Variants in VPS13C observed in about 807,000 individuals in gnomAD.
VPS13C encodes vacuolar protein sorting 13 homolog C.
Under a neutral mutation model 456.8 loss-of-function variants are expected in VPS13C, and 358 were observed. The observed-to-expected ratio is 0.78, with a 90% CI of 0.72 to 0.86. The LOEUF is 0.86. Among genes scored for constraint, VPS13C ranks in the 40% least tolerant of loss-of-function variants. The pLI, the probability that VPS13C is intolerant of heterozygous loss-of-function variation, is 0.00. For synonymous variants in VPS13C, 1,578 were observed against 1,486.7 expected, an observed-to-expected ratio of 1.06 and a Z score of -1.41; for missense variants, 4,818 against 4,385.4, an observed-to-expected ratio of 1.10 and a Z score of -2.79.
chr15:61,862,256 T>C (rs1894267679), intron 82 of VPS13C, among the ~76,000 whole-genome samples: 1 of 152,284 alleles, frequency 6.6e-6, no homozygotes, highest in Non-Finnish European at 1.5e-5. Context: ...AGTCATAGTA[T>C]TTACTGGTCA....
chr15:61,980,057 G>T (rs1444280571), intron 22 of VPS13C, among the ~76,000 whole-genome samples: 3 of 151,482 alleles, frequency 2.0e-5, no homozygotes, highest in African/African-American at 7.3e-5. Flanking sequence ...GGGGGTGCGT[G>T]CCTGTAATCC....
intron 49 of VPS13C, 83 bp downstream of exon 49, chr15:61,934,136 C>G (rs746862027): frequency 1.2e-6 from 1 of 813,250 alleles, no homozygotes; most frequent in East Asian, 2.9e-5. Flanking sequence ...AATGAAAAGT[C>G]CCACACAAAA....
chr15:61,996,577 G>C (rs186934764), intron 16 of VPS13C, among the ~76,000 whole-genome samples: 2 of 151,834 alleles, frequency 1.3e-5, no homozygotes, highest in African/African-American at 2.4e-5. Flanking sequence ...CTATCAGAGA[G>C]GCACTGAAAC....
Position 61,934,254 on chromosome 15 carries a change from G to C in VPS13C, c.5833C>G (p.Leu1945Val). 1 of 1,597,174 alleles carries C rather than the reference G, an allele frequency of 6.3e-7. No individual in the cohort carries two copies. The highest frequency in any genetic ancestry group is 8.5e-7 in the Non-Finnish European group (1 of 1,170,658). The change falls in exon 49 of 85, where the codon CTT (leucine) becomes GTT (valine). Residue 1945 changes from leucine (L) to valine (V), a missense_variant. This residue lies in a region of VPS13C where 4,552 missense variants were observed against 4,130.6 expected (regional missense o/e 1.10). Transcript: ENST00000644861. ...SLQFDFHFESLSIILYNNDIN... is the reference protein window; with the variant it reads ...SLQFDFHFESVSIILYNNDIN... ...TCATTGTTATAAAGGATAATGGAAA[G>C]AGATTCAAAGTGAAAGTCAAATTGG...
chr15:62,037,267 T>TAATATATTATATATAAATA (rs1262124225), intron 3 of VPS13C, among the ~76,000 whole-genome samples: 1 of 21,724 alleles, frequency 4.6e-5, no homozygotes, highest in South Asian at 8.4e-4. Flanking sequence ...ATATATTATA[T>TAATATATTATATATAAATA]TATATAATAT....
chr15:62,034,572 GAA>G (rs1252418548), intron 4 of VPS13C, among the ~76,000 whole-genome samples: 1 of 150,844 alleles, frequency 6.6e-6, no homozygotes, highest in South Asian at 2.1e-4. Flanking sequence ...AACAAAATAG[GAA>G]AAAAAATAAA....
intron 9 of VPS13C, among the ~76,000 whole-genome samples, chr15:62,016,518 A>C (rs1371431648): frequency 6.8e-6 from 1 of 146,534 alleles, no homozygotes; most frequent in African/African-American, 2.5e-5. Context: ...GAGAACATGC[A>C]GTGTTTGGTT....
At chr15:61,982,090 T>C (rs1203592543) in intron 21 of VPS13C, among the ~76,000 whole-genome samples, 1 of 152,210 alleles carries the variant, frequency 6.6e-6, no homozygotes, top group Non-Finnish European at 1.5e-5. Flanking sequence ...GATAAAATAG[T>C]TGGCTTGAGT....
In VPS13C at chr15:61,972,606, T is replaced by C. The variant is rs761865728; in HGVS notation, c.2757+19A>G. The stretch of plus-strand genomic sequence containing the variant: ...GTGACAGCCAGAATATATCTATTTA[T>C]AGACAAAAAAGCACATACTTCTTTA... On this transcript the variant is annotated intron_variant, in intron 27 of 84. Transcript: ENST00000644861. 8.1e-6 allele frequency: 13 copies of C among 1,609,970 alleles called. No individual in the cohort carries two copies. The highest frequency in any genetic ancestry group is 1.7e-5 in the Admixed American group (1 of 59,596).
At chr15:61,973,589 C>A in intron 25 of VPS13C, 57 bp from the exon 26 acceptor site, 1 of 1,312,862 alleles carries the variant, frequency 7.6e-7, no homozygotes, top group South Asian at 1.2e-5. Context: ...GATTAAATGT[C>A]ATAAATGAGA....
At chr15:61,897,197 CTCCTCCTCCAAAGGAATGCAGT>C (rs1222023340) in intron 66 of VPS13C, among the ~76,000 whole-genome samples, 8 of 152,180 alleles carry the variant, frequency 5.3e-5, no homozygotes, top group Non-Finnish European at 7.3e-5. Flanking sequence ...CGGAGCACCT[CTCCTCCTCCAAAGGAATGCAGT>C]TCCTCACCAG....
At chr15:61,983,106 A>C (rs2045935550) in intron 20 of VPS13C, among the ~76,000 whole-genome samples, 1 of 152,242 alleles carries the variant, frequency 6.6e-6, no homozygotes, top group South Asian at 2.1e-4. Flanking sequence ...AAATTGAGTT[A>C]CGTGTATTTT....
At chr15:61,875,620 T>C in intron 76 of VPS13C, 112 bp downstream of exon 76, 1 of 729,062 alleles carries the variant, frequency 1.4e-6, no homozygotes, top group East Asian at 2.8e-5. Context: ...TTTTGTGATT[T>C]GAACATTATT....
Position 61,917,582 on chromosome 15 carries a change from G to T in VPS13C, c.7814C>A (p.Ser2605Tyr). The change falls in exon 60 of 85, where the codon TCT becomes TAT. Residue 2605 changes from serine to tyrosine, a missense_variant. By Grantham distance (144) the Ser-to-Tyr change is moderately radical. This residue lies in a region of VPS13C where 4,552 missense variants were observed against 4,130.6 expected (regional missense o/e 1.10). Coordinates refer to ENST00000644861, the MANE Select transcript of VPS13C (RefSeq NM_020821.3). ...AGILEHQYKE[S>Y]TTYISWKEEL... ...TTCCTTCCAGGAAATATAAGTGGTA[G>T]ATTCTTTGTACTGATGCTCTAAGAT... 6.2e-7 allele frequency: 1 copy of T among 1,613,920 alleles called. No homozygotes were observed. Among genetic ancestry groups the T allele is most frequent in the Non-Finnish European group, 8.5e-7 (1 of 1,179,856 alleles).
chr15:62,054,593 G>A (rs1229627631), intron 1 of VPS13C, among the ~76,000 whole-genome samples: 1 of 152,114 alleles, frequency 6.6e-6, no homozygotes, highest in Non-Finnish European at 1.5e-5. Flanking sequence ...CAAGGGGAGG[G>A]AGAGTATTAG....
intron 1 of VPS13C, among the ~76,000 whole-genome samples, chr15:62,053,035 T>C (rs1298845782): frequency 1.3e-5 from 2 of 152,232 alleles, no homozygotes; most frequent in African/African-American, 4.8e-5. Context: ...GGAGTTAATT[T>C]TTAATTAGTA....
chr15:62,027,389 C>G (rs2047674849), intron 6 of VPS13C, among the ~76,000 whole-genome samples: 1 of 152,096 alleles, frequency 6.6e-6, no homozygotes, highest in Non-Finnish European at 1.5e-5. Flanking sequence ...TATCTCCATG[C>G]TATCTTTGAT....
intron 79 of VPS13C, among the ~76,000 whole-genome samples, chr15:61,870,895 C>T (rs1894973650): frequency 6.6e-6 from 1 of 152,040 alleles, no homozygotes; most frequent in Non-Finnish European, 1.5e-5. Context: ...TGTTTATTGG[C>T]CATATGTATA....
intron 45 of VPS13C, among the ~76,000 whole-genome samples, 170 bp from the exon 46 acceptor site, chr15:61,942,237 A>G (rs953110733): frequency 4.6e-5 from 7 of 151,916 alleles, no homozygotes; most frequent in Admixed American, 3.3e-4. Context: ...TGAGCTATTA[A>G]CAATAGTTAC....
Sources: allele counts gnomAD v4.1 joint callset (sites outside exome capture counted in the v4.1 genomes callset), GRCh38; gene constraint gnomAD v4.1.1; regional missense constraint gnomAD v4.1.1; transcripts MANE v1.5; gene names NCBI Gene and HGNC (gene_info 2026-07-23, HGNC 2026-07-21).